The following SORCS2 variants were observed in gnomAD, a reference collection of about 807,000 sequenced individuals.
SORCS2 encodes the protein sortilin related VPS10 domain containing receptor 2.
In SORCS2, 100 loss-of-function variants were observed where a neutral mutation model predicts 141.6. The observed-to-expected ratio is 0.71, with a 90% CI of 0.60 to 0.83. SORCS2 has a LOEUF of 0.83. Ranked by LOEUF, SORCS2 falls within the 40% of genes least tolerant of loss-of-function variation. SORCS2 has a pLI of 0.00. For synonymous variants in SORCS2, 789 were observed against 676.9 expected (o/e 1.17, Z -2.57); for missense variants, 1,646 against 1,560.2 (o/e 1.05, Z -0.93).
rs10014224 is a variant in SORCS2, at chr4:7,248,307, A to G, written c.480+55181A>G. ...ACACACGCTAAGGTTCCAGGCCGGC[A>G]ACTCCTTCTGCAGGTGTACAGGTCA... On this transcript the variant is annotated intron_variant, in intron 1 of 26. Transcript: ENST00000507866. 2.4e-3 allele frequency among the ~76,000 whole-genome samples: 357 copies of G among 149,238 alleles called. 3 individuals carry two copies. Among genetic ancestry groups the G allele is most frequent in the African/African-American group, 8.5e-3 (348 of 40,764 alleles).
intron 1 of SORCS2, among the ~76,000 whole-genome samples, chr4:7,385,869 A>G (rs1723264016): frequency 6.6e-6 from 1 of 152,188 alleles, no homozygotes; most frequent in African/African-American, 2.4e-5. Flanking sequence ...GAGAAAGGAA[A>G]TGCACACTTA....
Position 7,636,058 on chromosome 4 carries a change from G to A in SORCS2, c.649-2270G>A, listed in dbSNP as rs149005733. On this transcript the variant is annotated intron_variant, in intron 3 of 26. Coordinates refer to ENST00000507866, the MANE Select transcript of SORCS2 (RefSeq NM_020777.3). ...CTAGCAAGGCCACCATAGTCGCCTCGTGCCATTGCCCACTGCCCTCCCCAG... is the reference window on the plus strand; with the variant it reads ...CTAGCAAGGCCACCATAGTCGCCTCATGCCATTGCCCACTGCCCTCCCCAG... Among the ~76,000 whole-genome samples, 101 of 152,306 alleles carry A rather than the reference G, an allele frequency of 6.6e-4. 1 individual carries two copies. Among genetic ancestry groups the A allele is most frequent in the African/African-American group, 1.8e-3 (74 of 41,566 alleles).
At chr4:7,593,556 T>C (rs1323332755) in intron 3 of SORCS2, among the ~76,000 whole-genome samples, 1 of 152,100 alleles carries the variant, frequency 6.6e-6, no homozygotes, top group Non-Finnish European at 1.5e-5. Flanking sequence ...TTCCAGGCAG[T>C]GGCTCTTCCG....
chr4:7,307,622 C>G lies in SORCS2; in HGVS notation c.481-88666C>G, dbSNP rs184509025. Among the ~76,000 whole-genome samples the G allele has an allele frequency of 3.6e-3, 543 of 152,350 alleles. 3 individuals are homozygous for G. Among genetic ancestry groups the G allele is most frequent in the African/African-American group, 0.013 (526 of 41,584 alleles). ...TCCTTTTGGATTGAGGTCATCATTT[C>G]TGGCATTTGCCATCAGAGGGAAGCG... On this transcript the variant is annotated intron_variant, in intron 1 of 26. Transcript: ENST00000507866.
chr4:7,339,377 CA>C (rs1462409198), intron 1 of SORCS2, among the ~76,000 whole-genome samples: 1 of 152,218 alleles, frequency 6.6e-6, no homozygotes, highest in East Asian at 1.9e-4. Flanking sequence ...GAGTCAGCCA[CA>C]GCTGCGTAAC....
intron 2 of SORCS2, among the ~76,000 whole-genome samples, chr4:7,440,828 T>A (rs1304497821): frequency 2.0e-5 from 3 of 152,150 alleles, no homozygotes; most frequent in Admixed American, 2.0e-4. Context: ...GTCACTCATT[T>A]CACGATCATT....
At chr4:7,496,518 C>T (rs1425644636) in intron 2 of SORCS2, among the ~76,000 whole-genome samples, 1 of 130,886 alleles carries the variant, frequency 7.6e-6, no homozygotes, top group African/African-American at 2.7e-5. Context: ...GTGCTCTGCA[C>T]GGAGGCTGTA....
chr4:7,548,771 G>A (rs1266885479), intron 3 of SORCS2, among the ~76,000 whole-genome samples: 3 of 152,284 alleles, frequency 2.0e-5, no homozygotes, highest in Non-Finnish European at 2.9e-5. Flanking sequence ...CAGGGAGGAG[G>A]CCATCAGATG....
At chr4:7,621,466 T>A (rs1373335342) in intron 3 of SORCS2, among the ~76,000 whole-genome samples, 2 of 141,090 alleles carry the variant, frequency 1.4e-5, no homozygotes, top group Non-Finnish European at 3.0e-5. Context: ...TGAGTGTTTA[T>A]GTGTGTGTCT....
At chr4:7,617,336 G>C (rs1305460407) in intron 3 of SORCS2, among the ~76,000 whole-genome samples, 1 of 151,830 alleles carries the variant, frequency 6.6e-6, no homozygotes. Context: ...TCTCTCCATT[G>C]GTTATCCATC....
chr4:7,444,939 C>T (rs570514073), intron 2 of SORCS2, among the ~76,000 whole-genome samples: 16 of 149,984 alleles, frequency 1.1e-4, no homozygotes, highest in South Asian at 2.2e-4. Context: ...GACGATGAAC[C>T]GGAGGAGGCG....
chr4:7,583,162 T>G (rs765377331), intron 3 of SORCS2, among the ~76,000 whole-genome samples: 27 of 152,092 alleles, frequency 1.8e-4, no homozygotes, highest in Non-Finnish European at 3.1e-4. Flanking sequence ...TTGCAAAAAG[T>G]TCTAGTACTT....
intron 14 of SORCS2, among the ~76,000 whole-genome samples, chr4:7,710,998 C>T (rs545275917): frequency 4.6e-5 from 7 of 152,286 alleles, no homozygotes; most frequent in East Asian, 1.9e-4. Context: ...CTGGCAGCGA[C>T]GTGGCAGGAA....
chr4:7,317,859 C>T (rs143829663), intron 1 of SORCS2, among the ~76,000 whole-genome samples: 24 of 152,232 alleles, frequency 1.6e-4, no homozygotes, highest in Non-Finnish European at 2.9e-4. Flanking sequence ...CCCGAGAACC[C>T]GGTGAGGGCC....
intron 1 of SORCS2, among the ~76,000 whole-genome samples, chr4:7,214,265 C>G (rs1156934385): frequency 6.6e-6 from 1 of 152,168 alleles, no homozygotes; most frequent in Non-Finnish European, 1.5e-5. Flanking sequence ...GTCATGAGCT[C>G]TCTGCCCTGG....
At chr4:7,639,650 A>G (rs1720513336) in intron 4 of SORCS2, among the ~76,000 whole-genome samples, 1 of 147,244 alleles carries the variant, frequency 6.8e-6, no homozygotes. Flanking sequence ...TGTGTATATG[A>G]ATGTGAGTGT....
intron 1 of SORCS2, among the ~76,000 whole-genome samples, chr4:7,317,383 A>G (rs962208203): frequency 3.2e-4 from 49 of 152,238 alleles, no homozygotes; most frequent in African/African-American, 1.1e-3. Context: ...CTCTGCGTCA[A>G]CGGAGGCATC....
At chr4:7,194,672 GC>G (rs1336921514) in intron 1 of SORCS2, among the ~76,000 whole-genome samples, 3 of 152,070 alleles carry the variant, frequency 2.0e-5, no homozygotes, top group African/African-American at 7.2e-5. Context: ...CCCTAGAAGA[GC>G]CCTAGAAGAG....
At chr4:7,438,806 C>T (rs1157176848) in intron 2 of SORCS2, among the ~76,000 whole-genome samples, 2 of 152,090 alleles carry the variant, frequency 1.3e-5, no homozygotes, top group Non-Finnish European at 1.5e-5. Flanking sequence ...CCCTCCTTTC[C>T]TCTCACCTGT....
Sources: gnomAD v4.1 joint callset for allele counts (sites outside exome capture counted in the v4.1 genomes callset) on GRCh38, gnomAD v4.1.1 for gene constraint, MANE v1.5 for transcripts, NCBI Gene and HGNC (gene_info 2026-07-23, HGNC 2026-07-21) for gene names.